The following MUC7 variants were observed in gnomAD, a reference collection of about 807,000 sequenced individuals.
The protein encoded by MUC7 is mucin 7, secreted, also known as mucin-7.
MUC7 carries 2 observed loss-of-function variants against 2.5 expected under a neutral mutation model. The ratio of observed to expected loss-of-function variants is 0.81; its 90% CI spans 0.33 to 2.55. The LOEUF is 2.55. Ranked by LOEUF, MUC7 falls within the 30% of genes most tolerant of loss-of-function variation. The probability of loss-of-function intolerance (pLI) is 0.11; values close to 1 mark genes in which losing one functional copy is unlikely to be tolerated. For missense variants in MUC7, 408 were observed against 455.6 expected (o/e 0.90, Z 0.95); for synonymous variants, 133 against 173.4 (o/e 0.77, Z 1.83).
At chr4:70,465,911 C>T (rs757352111) in intron 1 of MUC7, among the ~76,000 whole-genome samples, 1 of 152,146 alleles carries the variant, frequency 6.6e-6, no homozygotes, top group African/African-American at 2.4e-5. Context: ...CACAAGGATA[C>T]TCATTGAGAA....
chr4:70,452,809 A>G (rs1253258331), intron 1 of MUC7, among the ~76,000 whole-genome samples: 1 of 152,078 alleles, frequency 6.6e-6, no homozygotes, highest in Non-Finnish European at 1.5e-5. Context: ...ATGATTTCTT[A>G]TTCCTCATTA....
rs976476764 is a variant in MUC7, at chr4:70,481,233, A to G, written c.489A>G (p.Gln163=). 14 of 1,614,064 alleles carry G rather than the reference A, an allele frequency of 8.7e-6. No individual in the cohort carries two copies. Among genetic ancestry groups the G allele is most frequent in the Admixed American group, 6.7e-5 (4 of 59,994 alleles). ...TLAPVNSPAP[Q]DTTAAPPTPS... is the part of the protein sequence containing the mutation. ...CACCAGTGAATTCCCCAGCTCCACAAGACACCACAGCTGCCCCACCCACAC... is the reference window on the plus strand; with the variant it reads ...CACCAGTGAATTCCCCAGCTCCACAGGACACCACAGCTGCCCCACCCACAC... The change falls in exon 3 of 3, where the codon CAA becomes CAG. Residue 163 remains glutamine, a synonymous_variant. Coordinates refer to ENST00000304887, the MANE Select transcript of MUC7 (RefSeq NM_152291.3).
intron 1 of MUC7, among the ~76,000 whole-genome samples, chr4:70,432,257 A>G (rs569695687): frequency 2.0e-5 from 3 of 152,324 alleles, no homozygotes; most frequent in African/African-American, 7.2e-5. Context: ...CTTTGGGTAT[A>G]TATCCAGTAG....
intron 1 of MUC7, among the ~76,000 whole-genome samples, chr4:70,463,779 C>T (rs913619138): frequency 4.6e-5 from 7 of 152,178 alleles, no homozygotes; most frequent in African/African-American, 1.7e-4. Context: ...TCCCGCTATG[C>T]AAGGACACAA....
At chr4:70,472,880 G>A (rs1734873376) in intron 1 of MUC7, among the ~76,000 whole-genome samples, 1 of 152,148 alleles carries the variant, frequency 6.6e-6, no homozygotes, top group Non-Finnish European at 1.5e-5. Flanking sequence ...GCCCTAATAT[G>A]TAATCTGTCT....
intron 1 of MUC7, among the ~76,000 whole-genome samples, chr4:70,461,637 C>T (rs1318203537): frequency 6.6e-6 from 1 of 152,130 alleles, no homozygotes; most frequent in Non-Finnish European, 1.5e-5. Flanking sequence ...CCTAAAACTT[C>T]AGAGGCAGAC....
intron 1 of MUC7, among the ~76,000 whole-genome samples, chr4:70,457,757 T>A (rs1734448494): frequency 2.0e-5 from 3 of 152,020 alleles, no homozygotes; most frequent in Admixed American, 6.6e-5. Flanking sequence ...AATGTGTGTG[T>A]GAGAGAGAGA....
At chr4:70,459,630 G>A (rs1413153598) in intron 1 of MUC7, among the ~76,000 whole-genome samples, 1 of 152,062 alleles carries the variant, frequency 6.6e-6, no homozygotes, top group Non-Finnish European at 1.5e-5. Flanking sequence ...ATGTATGGAA[G>A]CTTTATATAC....
chr4:70,446,905 A>G (rs1734154480), intron 1 of MUC7, among the ~76,000 whole-genome samples: 1 of 152,210 alleles, frequency 6.6e-6, no homozygotes, highest in Admixed American at 6.5e-5. Context: ...AATGAGAAAA[A>G]AAGAACTGAT....
chr4:70,431,804 T>G (rs1472285233), intron 1 of MUC7, among the ~76,000 whole-genome samples: 1 of 152,128 alleles, frequency 6.6e-6, no homozygotes, highest in Non-Finnish European at 1.5e-5. Flanking sequence ...ACGCGCAGGT[T>G]TCTTACATAT....
chr4:70,432,474 G>C (rs1215123474), intron 1 of MUC7, among the ~76,000 whole-genome samples: 4 of 152,208 alleles, frequency 2.6e-5, no homozygotes, highest in African/African-American at 9.6e-5. Context: ...TTGTGGTTTT[G>C]ATTTGCATTT....
At chr4:70,444,078 A>G (rs1040738436) in intron 1 of MUC7, among the ~76,000 whole-genome samples, 3 of 152,130 alleles carry the variant, frequency 2.0e-5, no homozygotes, top group Admixed American at 2.0e-4. Flanking sequence ...ATCGACTACA[A>G]CCACTTCCAC....
intron 1 of MUC7, among the ~76,000 whole-genome samples, chr4:70,462,868 C>T (rs1271767138): frequency 6.6e-6 from 1 of 152,058 alleles, no homozygotes; most frequent in Non-Finnish European, 1.5e-5. Flanking sequence ...GCAGGAACTG[C>T]AGCAGGAGGA....
At chr4:70,478,399 C>T (rs1364019385) in intron 2 of MUC7, among the ~76,000 whole-genome samples, 1 of 152,154 alleles carries the variant, frequency 6.6e-6, no homozygotes, top group Non-Finnish European at 1.5e-5. Context: ...CTTCGTGAGG[C>T]TCATGTGATT....
At chr4:70,469,648 T>C (rs1326116193), upstream of MUC7, among the ~76,000 whole-genome samples, 1 of 151,976 alleles carries the variant, frequency 6.6e-6, no homozygotes, top group Non-Finnish European at 1.5e-5. Context: ...CCAACAAATA[T>C]ATGAAAAAAG....
chr4:70,460,170 T>C (rs1450159271), intron 1 of MUC7, among the ~76,000 whole-genome samples: 3 of 151,778 alleles, frequency 2.0e-5, no homozygotes, highest in Non-Finnish European at 4.4e-5. Context: ...GATTACACTA[T>C]AGACGGCTAG....
intron 2 of MUC7, among the ~76,000 whole-genome samples, chr4:70,477,638 C>G (rs1279955617): frequency 6.6e-6 from 1 of 152,094 alleles, no homozygotes; most frequent in Non-Finnish European, 1.5e-5. Flanking sequence ...TGTCTTCTCC[C>G]TCTTCTCTGC....
At chr4:70,447,525 A>G (rs1045140366) in intron 1 of MUC7, among the ~76,000 whole-genome samples, 3 of 152,230 alleles carry the variant, frequency 2.0e-5, no homozygotes, top group Admixed American at 2.0e-4. Context: ...TCTTTTAATT[A>G]CACTATCTCT....
upstream of MUC7, among the ~76,000 whole-genome samples, chr4:70,471,431 T>C (rs759366971): frequency 4.6e-5 from 7 of 152,304 alleles, no homozygotes; most frequent in Non-Finnish European, 8.8e-5. Context: ...TTTTAGATTA[T>C]ATGTTTGAAT....
Sources: gnomAD v4.1 joint callset for allele counts (sites outside exome capture counted in the v4.1 genomes callset) on GRCh38, gnomAD v4.1.1 for gene constraint, MANE v1.5 for transcripts, NCBI Gene and HGNC (gene_info 2026-07-23, HGNC 2026-07-21) for gene names.